The following PRRC2B variants were observed in gnomAD, a reference collection of about 807,000 sequenced individuals.
The protein encoded by PRRC2B is proline rich coiled-coil 2B, also known as protein PRRC2B.
In PRRC2B, 68 loss-of-function variants were observed where a neutral mutation model predicts 242.3. That is an observed-to-expected ratio of 0.28 (90% CI 0.23 to 0.34). The LOEUF is 0.34. PRRC2B is among the 10% of genes least tolerant of loss of function. The probability of loss-of-function intolerance (pLI) is 1.00; values close to 1 mark genes in which losing one functional copy is unlikely to be tolerated. For missense variants in PRRC2B, 2,835 were observed against 2,954.8 expected (o/e 0.96, Z 0.94); for synonymous variants, 1,228 against 1,173.6 (o/e 1.05, Z -0.95).
At position 131,471,628 on chromosome 9, in the gene PRRC2B, A is replaced by T. The variant is rs147589490; in HGVS notation, c.2107+645A>T. ...TTGTAGGACAAAAACAGCCATAAAC[A>T]ATAGTAATTGAGTGAACATGGTTGT... is the stretch of plus-strand genomic sequence containing the variant. On this transcript the variant is annotated intron_variant, in intron 14 of 31. Coordinates refer to ENST00000683519, the MANE Select transcript of PRRC2B (RefSeq NM_013318.4). 7.1e-4 allele frequency among the ~76,000 whole-genome samples: 108 copies of T among 152,376 alleles called. 1 individual carries two copies. Among genetic ancestry groups the T allele is most frequent in the Middle Eastern group, 6.8e-3 (2 of 294 alleles).
chr9:131,384,346 G>A (rs1836802223), intron 1 of PRRC2B, among the ~76,000 whole-genome samples: 1 of 151,024 alleles, frequency 6.6e-6, no homozygotes, highest in Non-Finnish European at 1.5e-5. Context: ...GTGGTGGCAC[G>A]ATCTTGGCTC....
chr9:131,417,447 C>T (rs1170945516), intron 1 of PRRC2B, among the ~76,000 whole-genome samples: 1 of 152,096 alleles, frequency 6.6e-6, no homozygotes, highest in African/African-American at 2.4e-5. Context: ...AGCCTTCAGC[C>T]AGTCCCCCCA....
chr9:131,485,790 G>A, intron 25 of PRRC2B: 1 of 676,136 alleles, frequency 1.5e-6, no homozygotes, highest in South Asian at 1.4e-5. Flanking sequence ...CCCTTCGAGT[G>A]TCTGGGGTAG....
In PRRC2B at chr9:131,436,124, A is replaced by T. The variant is rs146791950; in HGVS notation, c.294-496A>T. Among the ~76,000 whole-genome samples the T allele has an allele frequency of 2.0e-5, 3 of 152,168 alleles. No homozygotes were observed. In the South Asian group the frequency reaches 6.2e-4, roughly 31 times the overall value. ...CAGTGATTGAATTTCCCTATTGGCA[A>T]ATCCTTCATTTGCATTGTTTACAGT... On this transcript the variant is annotated intron_variant, in intron 3 of 31. Transcript: ENST00000683519.
At chr9:131,380,926 G>C (rs1220222527) in intron 1 of PRRC2B, among the ~76,000 whole-genome samples, 2 of 143,192 alleles carry the variant, frequency 1.4e-5, no homozygotes, top group Non-Finnish European at 3.0e-5. Context: ...CTGGGTACCA[G>C]ACCCTTCTCA....
chr9:131,455,249 T>A (rs995680302), intron 10 of PRRC2B, 83 bp downstream of exon 10: 2 of 946,156 alleles, frequency 2.1e-6, no homozygotes, highest in Non-Finnish European at 3.3e-6. Context: ...CCAGTTTCCA[T>A]AGCAACCTGG....
chr9:131,398,233 C>A (rs1057381128), intron 1 of PRRC2B, among the ~76,000 whole-genome samples: 1 of 152,162 alleles, frequency 6.6e-6, no homozygotes, highest in Non-Finnish European at 1.5e-5. Flanking sequence ...CTGGGTGGCA[C>A]GTGGGAAATC....
At chr9:131,426,617 G>T (rs1276600804) in intron 1 of PRRC2B, among the ~76,000 whole-genome samples, 1 of 152,094 alleles carries the variant, frequency 6.6e-6, no homozygotes, top group Non-Finnish European at 1.5e-5. Flanking sequence ...CCGCAGTCAG[G>T]ATTGGGCACG....
intron 3 of PRRC2B, 29 bp from the exon 4 acceptor site, chr9:131,436,591 C>G: frequency 7.6e-6 from 12 of 1,586,986 alleles, no homozygotes; most frequent in Non-Finnish European, 1.0e-5. Context: ...CTGTGCGGTG[C>G]CTGACCCCAC....
At chr9:131,491,644 C>T in intron 29 of PRRC2B, 64 bp downstream of exon 29, 1 of 1,436,162 alleles carries the variant, frequency 7.0e-7, no homozygotes, top group South Asian at 1.4e-5. Flanking sequence ...CTTTTTCTAG[C>T]AAGCTAAGTA....
Position 131,478,631 on chromosome 9 carries a change from A to AGGGGGGGGG in PRRC2B, c.4758+15_4758+16insGGGGGGGGG. ...AGCAGGCCGTGCAGGTGAGGGGCGG[A>AGGGGGGGGG]GGGTGGGGGGGCATGGGGCTGGAGG... is the stretch of plus-strand genomic sequence containing the variant. On this transcript the variant is annotated intron_variant, in intron 18 of 31. Coordinates refer to ENST00000683519, the MANE Select transcript of PRRC2B (RefSeq NM_013318.4). 1.0e-5 allele frequency: 2 copies of AGGGGGGGGG among 200,890 alleles called. No individual in the cohort carries two copies. The highest frequency in any genetic ancestry group is 6.5e-5 in the Admixed American group (1 of 15,290). 12.4% of individuals were successfully genotyped at this position (200,890 alleles called of 1,614,324 possible).
At chr9:131,404,522 C>G (rs768096483) in intron 1 of PRRC2B, among the ~76,000 whole-genome samples, 1 of 152,100 alleles carries the variant, frequency 6.6e-6, no homozygotes, top group Non-Finnish European at 1.5e-5. Flanking sequence ...GCACCCGGCC[C>G]CCAGTTGACT....
At chr9:131,460,488 C>T (rs936246777) in intron 11 of PRRC2B, among the ~76,000 whole-genome samples, 5 of 152,180 alleles carry the variant, frequency 3.3e-5, no homozygotes, top group African/African-American at 9.7e-5. Flanking sequence ...AAGGCAACCA[C>T]GACTTCATCC....
chr9:131,482,321 AT>A lies in PRRC2B; in HGVS notation c.4984-49del, dbSNP rs754429352. The stretch of plus-strand genomic sequence containing the variant: ...TGCCACATGCAGTTTTACTCTCTGG[AT>A]AATCGAGTTGGGAGTTTGAGGCTAT... On this transcript the variant is annotated intron_variant, in intron 20 of 31. Transcript: ENST00000683519. This position sits in a 1 kb window ranked among gnomAD's most constrained non-coding sequence, Gnocchi z 5.2. 3.3e-6 allele frequency: 5 copies of A among 1,511,394 alleles called. No homozygotes were observed. Among genetic ancestry groups the A allele is most frequent in the Non-Finnish European group, 4.4e-6 (5 of 1,123,762 alleles). 93.6% of individuals were successfully genotyped at this position (1,511,394 alleles called of 1,614,324 possible).
chr9:131,465,672 C>G (rs1284512437), intron 12 of PRRC2B, among the ~76,000 whole-genome samples: 1 of 152,166 alleles, frequency 6.6e-6, no homozygotes, highest in Non-Finnish European at 1.5e-5. Context: ...AAAATAAGCC[C>G]ACTTGCTTGG....
In PRRC2B at chr9:131,479,402, TG is replaced by T; in HGVS notation, c.4900+14del. 2 of 1,612,246 alleles carry T rather than the reference TG, an allele frequency of 1.2e-6. No individual in the cohort carries two copies. The highest frequency in any genetic ancestry group is 2.2e-5 in the East Asian group (1 of 44,848). On this transcript the variant is annotated intron_variant, in intron 19 of 31. Transcript: ENST00000683519. Reference sequence around the variant, plus strand: ...GGAGAGCAGCAGCCAGGGTGAGAGTTGGGGGTGTGACCCCAGCTGTGGCACC... The same window carrying T: ...GGAGAGCAGCAGCCAGGGTGAGAGTTGGGGTGTGACCCCAGCTGTGGCACC...
At chr9:131,401,949 CTG>C (rs1837237753) in intron 1 of PRRC2B, among the ~76,000 whole-genome samples, 4 of 151,294 alleles carry the variant, frequency 2.6e-5, no homozygotes, top group Non-Finnish European at 5.9e-5. Flanking sequence ...GCGTGAGCCA[CTG>C]TGCTTGGTCT....
chr9:131,483,875 A>G (rs1943941666), intron 23 of PRRC2B, among the ~76,000 whole-genome samples: 1 of 152,154 alleles, frequency 6.6e-6, no homozygotes, highest in Non-Finnish European at 1.5e-5. Context: ...TGGCAGTTGC[A>G]TCTGTTGTGG....
At chr9:131,385,322 C>T (rs1836813068) in intron 1 of PRRC2B, among the ~76,000 whole-genome samples, 1 of 148,502 alleles carries the variant, frequency 6.7e-6, no homozygotes, top group African/African-American at 2.4e-5. Flanking sequence ...GCCTGGGTAA[C>T]GAGCGAAAAA....
Sources: allele counts gnomAD v4.1 joint callset (sites outside exome capture counted in the v4.1 genomes callset), GRCh38; gene constraint gnomAD v4.1.1; non-coding constraint Gnocchi (gnomAD v3.1); transcripts MANE v1.5; gene names NCBI Gene and HGNC (gene_info 2026-07-23, HGNC 2026-07-21).